The following SPIDR variants were observed in gnomAD, a reference collection of about 807,000 sequenced individuals.
The protein encoded by SPIDR is DNA repair-scaffolding protein.
SPIDR carries 93 observed loss-of-function variants against 104.6 expected under a neutral mutation model. The ratio of observed to expected loss-of-function variants is 0.89; its 90% confidence interval spans 0.75 to 1.06. The LOEUF (loss-of-function observed/expected upper bound fraction) is 1.06, where lower values mean the gene tolerates loss of function less well. Ranked by LOEUF, SPIDR falls within the 50% of genes least tolerant of loss-of-function variation. SPIDR has a pLI of 0.00. For missense variants in SPIDR, 1,154 were observed against 1,111.2 expected (o/e 1.04, Z -0.55); for synonymous variants, 431 against 416.9 (o/e 1.03, Z -0.41).
intron 8 of SPIDR, among the ~76,000 whole-genome samples, chr8:47,469,022 G>A (rs2154356727): frequency 6.6e-6 from 1 of 152,192 alleles, no homozygotes; most frequent in Non-Finnish European, 1.5e-5. Flanking sequence ...TCTTTAAAAA[G>A]TAAGCAAATG....
chr8:47,621,181 T>C (rs1037244239), intron 10 of SPIDR, among the ~76,000 whole-genome samples: 20 of 151,872 alleles, frequency 1.3e-4, no homozygotes, highest in African/African-American at 4.6e-4. Context: ...GGTCTCGATC[T>C]CCTGACCTTG....
intron 11 of SPIDR, among the ~76,000 whole-genome samples, chr8:47,686,228 C>T (rs575789792): frequency 1.3e-5 from 2 of 152,242 alleles, no homozygotes; most frequent in East Asian, 1.9e-4. Context: ...CTTTCTTCCT[C>T]TCGGGTTAAT....
chr8:47,274,387 A>G (rs1391122306), intron 1 of SPIDR, among the ~76,000 whole-genome samples: 1 of 152,120 alleles, frequency 6.6e-6, no homozygotes, highest in African/African-American at 2.4e-5. Context: ...TTCTATGTTC[A>G]TTACTAGTCA....
intron 5 of SPIDR, among the ~76,000 whole-genome samples, chr8:47,312,267 T>C (rs1473686180): frequency 6.6e-6 from 1 of 152,154 alleles, no homozygotes; most frequent in African/African-American, 2.4e-5. Context: ...ATGGTATTTC[T>C]AGTTCTAGAT....
intron 11 of SPIDR, among the ~76,000 whole-genome samples, chr8:47,688,049 G>C (rs1315723739): frequency 6.6e-6 from 1 of 151,326 alleles, no homozygotes; most frequent in African/African-American, 2.4e-5. Context: ...GTGTGTGCAT[G>C]CGTATAGGTT....
At chr8:47,720,296 T>G (rs2632492) in intron 16 of SPIDR, among the ~76,000 whole-genome samples, 151,335 of 152,378 alleles carry the variant, frequency 0.99, 75,157 homozygotes, top group Middle Eastern at 1. Context: ...CAATAGACGT[T>G]TGTGAAGGTT....
At chr8:47,264,087 C>G (rs943675383) in intron 1 of SPIDR, among the ~76,000 whole-genome samples, 1 of 152,168 alleles carries the variant, frequency 6.6e-6, no homozygotes, top group African/African-American at 2.4e-5. Context: ...TCCGAAGACT[C>G]GGATATCTGC....
intron 8 of SPIDR, among the ~76,000 whole-genome samples, chr8:47,512,478 AG>A (rs929594485): frequency 6.6e-6 from 1 of 152,208 alleles, no homozygotes; most frequent in Non-Finnish European, 1.5e-5. Flanking sequence ...CTGTTTTGGG[AG>A]GAAGACATTG....
chr8:47,723,370 T>A (rs2083700555), intron 16 of SPIDR, among the ~76,000 whole-genome samples: 3 of 152,138 alleles, frequency 2.0e-5, no homozygotes, highest in Admixed American at 2.0e-4. Context: ...CTATTCTGAT[T>A]TTTATTGAAC....
At chr8:47,557,604 G>C (rs981432099) in intron 8 of SPIDR, among the ~76,000 whole-genome samples, 13 of 152,276 alleles carry the variant, frequency 8.5e-5, no homozygotes, top group African/African-American at 3.1e-4. Context: ...GAATAACCTG[G>C]AGGGCAAAAA....
At chr8:47,402,839 T>C (rs1554664264) in intron 6 of SPIDR, among the ~76,000 whole-genome samples, 2 of 152,138 alleles carry the variant, frequency 1.3e-5, no homozygotes, top group African/African-American at 4.8e-5. Context: ...GAGAATGCTC[T>C]CTAATTCATT....
intron 8 of SPIDR, among the ~76,000 whole-genome samples, chr8:47,489,609 A>C (rs2078314878): frequency 6.6e-6 from 1 of 152,220 alleles, no homozygotes; most frequent in Admixed American, 6.5e-5. Flanking sequence ...CTATACTACA[A>C]GGCTACAGTA....
At chr8:47,302,999 A>G (rs2042441766) in intron 5 of SPIDR, among the ~76,000 whole-genome samples, 1 of 152,170 alleles carries the variant, frequency 6.6e-6, no homozygotes, top group Non-Finnish European at 1.5e-5. Flanking sequence ...TTAATTCTGC[A>G]GAGATTTCTG....
chr8:47,668,577 T>C (rs2075321314), intron 10 of SPIDR, among the ~76,000 whole-genome samples: 2 of 151,904 alleles, frequency 1.3e-5, no homozygotes, highest in Admixed American at 1.3e-4. Flanking sequence ...CAAACATTAG[T>C]GACTATAAAA....
intron 7 of SPIDR, among the ~76,000 whole-genome samples, chr8:47,411,086 T>G (rs1263861603): frequency 6.6e-6 from 1 of 152,214 alleles, no homozygotes; most frequent in Non-Finnish European, 1.5e-5. Context: ...TGGTTCCAAG[T>G]CTTTGCTATT....
chr8:47,317,253 C>G (rs2045550573), intron 5 of SPIDR, among the ~76,000 whole-genome samples: 1 of 152,130 alleles, frequency 6.6e-6, no homozygotes, highest in African/African-American at 2.4e-5. Context: ...CACTCCCACC[C>G]TAATACTGCG....
At chr8:47,408,622 A>G (rs927353981) in intron 7 of SPIDR, among the ~76,000 whole-genome samples, 2 of 152,198 alleles carry the variant, frequency 1.3e-5, no homozygotes, top group African/African-American at 4.8e-5. Context: ...GAGATAAAAG[A>G]TATCCAAGTT....
chr8:47,588,800 A>C (rs947259105), intron 8 of SPIDR, among the ~76,000 whole-genome samples: 8 of 152,142 alleles, frequency 5.3e-5, no homozygotes, highest in African/African-American at 1.9e-4. Flanking sequence ...GAATTATGTC[A>C]AGTGGTTTTT....
intron 16 of SPIDR, among the ~76,000 whole-genome samples, chr8:47,720,697 G>T (rs552587624): frequency 1.3e-5 from 2 of 152,098 alleles, no homozygotes; most frequent in East Asian, 3.9e-4. Flanking sequence ...AGTGTTAACA[G>T]TCCTTGATCA....
Sources: gnomAD v4.1 joint callset for allele counts (sites outside exome capture counted in the v4.1 genomes callset) on GRCh38, gnomAD v4.1.1 for gene constraint, MANE v1.5 for transcripts, NCBI Gene and HGNC (gene_info 2026-07-23, HGNC 2026-07-21) for gene names.